TANC1: variants seen among roughly 807,000 people sequenced by gnomAD.
TANC1 encodes the protein tetratricopeptide repeat, ankyrin repeat and coiled-coil containing 1.
In TANC1, 77 loss-of-function variants were observed where a neutral mutation model predicts 149.7. The ratio of observed to expected loss-of-function variants is 0.51; its 90% CI spans 0.43 to 0.62. TANC1 has a LOEUF of 0.62. Among genes scored for constraint, TANC1 ranks in the 20% least tolerant of loss-of-function variants. The probability of loss-of-function intolerance (pLI) is 0.00; values close to 1 mark genes in which losing one functional copy is unlikely to be tolerated. For synonymous variants in TANC1, 854 were observed against 925.0 expected (o/e 0.92, Z 1.39); for missense variants, 1,985 against 2,321.8 (o/e 0.85, Z 2.98).
Position 159,170,671 on chromosome 2 carries a change from A to C in TANC1, c.1217A>C (p.Glu406Ala). 1.2e-6 allele frequency: 2 copies of C among 1,614,136 alleles called. No homozygotes were observed. The highest frequency in any genetic ancestry group is 1.7e-6 in the Non-Finnish European group (2 of 1,180,020). The change falls in exon 10 of 27, where the codon GAA (glutamate) becomes GCA (alanine). Residue 406 changes from glutamate (E) to alanine (A), a missense_variant. Transcript: ENST00000263635. The stretch of plus-strand genomic sequence containing the variant: ...AACTTGAGGAACACAGAACTGGCAG[A>C]AAACAGAGGCGCGGTGGTGGTTGGC... Reference protein sequence around the residue: ...EENLRNTELAENRGAVVVGNV... With the variant: ...EENLRNTELAANRGAVVVGNV...
intron 4 of TANC1, among the ~76,000 whole-genome samples, chr2:159,135,540 G>A (rs955511891): frequency 3.3e-5 from 5 of 152,214 alleles, no homozygotes; most frequent in Non-Finnish European, 5.9e-5. Flanking sequence ...GAAGAATTCC[G>A]GATTTTCTGA....
At chr2:159,074,082 G>A (rs911644010) in intron 3 of TANC1, among the ~76,000 whole-genome samples, 1 of 152,164 alleles carries the variant, frequency 6.6e-6, no homozygotes, top group Non-Finnish European at 1.5e-5. Context: ...CAGAATCAGA[G>A]TTAGAACGCA....
At chr2:159,181,334 C>T (rs1362781346) in intron 14 of TANC1, among the ~76,000 whole-genome samples, 1 of 150,848 alleles carries the variant, frequency 6.6e-6, no homozygotes, top group Non-Finnish European at 1.5e-5. Flanking sequence ...GTCTCGCTGT[C>T]GCCCAGGCTA....
intron 4 of TANC1, among the ~76,000 whole-genome samples, chr2:159,113,405 G>C (rs1169893629): frequency 6.6e-6 from 1 of 152,190 alleles, no homozygotes; most frequent in Non-Finnish European, 1.5e-5. Flanking sequence ...TTCCTTAGAA[G>C]AGTACTAAAT....
intron 1 of TANC1, among the ~76,000 whole-genome samples, chr2:158,981,491 T>TTATATATATATA (rs10602195): frequency 2.0e-4 from 7 of 34,350 alleles, no homozygotes; most frequent in Non-Finnish European, 3.8e-4. Flanking sequence ...TATATAGCTT[T>TTATATATATATA]TATATATATA....
chr2:159,218,558 T>C (rs1476011484), intron 20 of TANC1, among the ~76,000 whole-genome samples: 1 of 152,242 alleles, frequency 6.6e-6, no homozygotes, highest in East Asian at 1.9e-4. Flanking sequence ...ACAGGTGATG[T>C]GTTGGGGAAA....
intron 3 of TANC1, among the ~76,000 whole-genome samples, chr2:159,087,155 G>GT (rs11370209): frequency 0.49 from 74,505 of 151,896 alleles, 18,645 homozygotes; most frequent in African/African-American, 0.54. Flanking sequence ...CAAAAAGCCC[G>GT]TTCCTGAAAG....
chr2:159,082,771 T>C (rs2044411319), intron 3 of TANC1, among the ~76,000 whole-genome samples: 1 of 152,150 alleles, frequency 6.6e-6, no homozygotes, highest in African/African-American at 2.4e-5. Flanking sequence ...CAAAGATGCA[T>C]GCACATTCAA....
chr2:158,972,424 C>A (rs1012090544), intron 1 of TANC1, among the ~76,000 whole-genome samples: 3 of 152,084 alleles, frequency 2.0e-5, no homozygotes, highest in African/African-American at 7.2e-5. Context: ...TACATCCTTC[C>A]CTTATGCTGT....
At chr2:159,225,443 CTGCTCGGA>C (rs2059965392) in intron 23 of TANC1, 1 of 558,002 alleles carries the variant, frequency 1.8e-6, no homozygotes. Flanking sequence ...TGAGTTTTCG[CTGCTCGGA>C]TGCCTTCGTT....
At chr2:159,087,426 T>A (rs541435309) in intron 3 of TANC1, among the ~76,000 whole-genome samples, 5 of 152,120 alleles carry the variant, frequency 3.3e-5, no homozygotes, top group Non-Finnish European at 5.9e-5. Flanking sequence ...GTGCTTTTTT[T>A]CTCCCTCAAG....
In TANC1 at chr2:159,097,850, A is replaced by G; in HGVS notation, c.259+16A>G. 6.2e-7 allele frequency: 1 copy of G among 1,607,782 alleles called. No homozygotes were observed. Among genetic ancestry groups the G allele is most frequent in the South Asian group, 1.1e-5 (1 of 91,014 alleles). On this transcript the variant is annotated intron_variant, in intron 4 of 26. Transcript: ENST00000263635. ...AAATCCCCAGGTAAACAGGCAATGA[A>G]GGAGCTGCCTTGGTTATATATGTAG... is the stretch of plus-strand genomic sequence containing the variant.
chr2:159,223,839 A>C (rs1371314543), intron 22 of TANC1, among the ~76,000 whole-genome samples: 1 of 152,128 alleles, frequency 6.6e-6, no homozygotes, highest in South Asian at 2.1e-4. Context: ...TTCTAAAGTC[A>C]CCACTGCTGT....
At chr2:159,152,082 A>G (rs957032546) in intron 7 of TANC1, among the ~76,000 whole-genome samples, 28 of 152,330 alleles carry the variant, frequency 1.8e-4, no homozygotes, top group African/African-American at 6.7e-4. Flanking sequence ...TTTCATATAA[A>G]TGGTGGGCTG....
chr2:159,027,640 C>G (rs866714593), intron 2 of TANC1, among the ~76,000 whole-genome samples: 4 of 152,322 alleles, frequency 2.6e-5, no homozygotes, highest in South Asian at 4.2e-4. Context: ...CTTGCTCCCT[C>G]AAACCCTTCC....
intron 8 of TANC1, among the ~76,000 whole-genome samples, chr2:159,166,272 C>T (rs1217768672): frequency 6.6e-6 from 1 of 152,130 alleles, no homozygotes; most frequent in Non-Finnish European, 1.5e-5. Flanking sequence ...GATTGCTATC[C>T]AGTTTTCCTA....
chr2:159,221,587 G>A (rs2059710972), intron 22 of TANC1, among the ~76,000 whole-genome samples: 1 of 152,122 alleles, frequency 6.6e-6, no homozygotes, highest in Admixed American at 6.5e-5. Context: ...GTGAGATCAT[G>A]CTGTCTTTCC....
rs538979230 is a variant in TANC1, at chr2:159,231,665, C to G, written c.*653C>G. ...ATATATTTTTATAGCACTTTTGGAA[C>G]CTATATTTGTGCTTGAAGGTGTTTT... On this transcript the variant is annotated 3_prime_UTR_variant, in exon 27 of 27. Coordinates refer to ENST00000263635, the MANE Select transcript of TANC1 (RefSeq NM_033394.3). The G allele has an allele frequency of 1.3e-5, 2 of 149,534 alleles. No homozygotes were observed. Among genetic ancestry groups the G allele is most frequent in the South Asian group, 4.2e-4 (2 of 4,732 alleles). 9.3% of individuals were successfully genotyped at this position (149,534 alleles called of 1,614,324 possible). A position where few individuals can be genotyped will look rare whatever the true frequency, so the allele number is the denominator to read the frequency against.
At chr2:158,969,663 C>T (rs1377221863) in intron 1 of TANC1, among the ~76,000 whole-genome samples, 2 of 152,204 alleles carry the variant, frequency 1.3e-5, no homozygotes, top group Non-Finnish European at 2.9e-5. Flanking sequence ...AAGCTCTAGG[C>T]ATTGTGTGGT....
Sources: allele counts gnomAD v4.1 joint callset (sites outside exome capture counted in the v4.1 genomes callset), GRCh38; gene constraint gnomAD v4.1.1; transcripts MANE v1.5; gene names NCBI Gene and HGNC (gene_info 2026-07-23, HGNC 2026-07-21).